The following KCNJ15 variants were observed in gnomAD, a reference collection of about 807,000 sequenced individuals.
KCNJ15 encodes the protein potassium inwardly rectifying channel subfamily J member 15.
KCNJ15 carries 14 observed loss-of-function variants against 23.0 expected under a neutral mutation model. That is an observed-to-expected ratio of 0.61 (90% CI 0.40 to 0.95). KCNJ15 has a LOEUF of 0.95. Among genes scored for constraint, KCNJ15 ranks in the 40% least tolerant of loss-of-function variants. KCNJ15 has a pLI of 0.00. For missense variants in KCNJ15, 388 were observed against 461.8 expected (o/e 0.84, Z 1.46); for synonymous variants, 185 against 183.2 (o/e 1.01, Z -0.08).
chr21:38,236,764 C>T (rs992372725), intron 1 of KCNJ15, among the ~76,000 whole-genome samples: 7 of 152,286 alleles, frequency 4.6e-5, no homozygotes, highest in African/African-American at 1.7e-4. Flanking sequence ...TGGCTTACTC[C>T]TATGTGTGGT....
intron 1 of KCNJ15, among the ~76,000 whole-genome samples, chr21:38,232,387 C>T (rs1421962868): frequency 6.6e-6 from 1 of 151,580 alleles, no homozygotes; most frequent in Non-Finnish European, 1.5e-5. Context: ...TTGGTTTGAC[C>T]AAGGAATCAA....
At chr21:38,255,834 A>C (rs1262790296), upstream of KCNJ15, among the ~76,000 whole-genome samples, 1 of 152,172 alleles carries the variant, frequency 6.6e-6, no homozygotes, top group Admixed American at 6.5e-5. Flanking sequence ...CATTTCCAAC[A>C]GAAGCAAAGT....
Position 38,303,621 on chromosome 21 carries a change from G to A in KCNJ15, c.*3232G>A, listed in dbSNP as rs1165942893. On this transcript the variant is annotated 3_prime_UTR_variant, in exon 3 of 3. Coordinates refer to ENST00000398938, the MANE Select transcript of KCNJ15 (RefSeq NM_170736.3). Reference sequence around the variant, plus strand: ...AACGCAGAGTGTCCAGAAATCTAAAGAGCTGGTTTAAGGTGAAAAAAATGC... The same window carrying A: ...AACGCAGAGTGTCCAGAAATCTAAAAAGCTGGTTTAAGGTGAAAAAAATGC... 2.0e-5 allele frequency: 3 copies of A among 151,926 alleles called. No individual in the cohort carries two copies. The allele number at this position is 151,926 out of a possible 1,614,324, so 9.4% of individuals were successfully genotyped here. A position where few individuals can be genotyped will look rare whatever the true frequency, so the allele number is the denominator to read the frequency against.
chr21:38,267,078 G>A (rs1397176005), intron 1 of KCNJ15, among the ~76,000 whole-genome samples: 1 of 152,196 alleles, frequency 6.6e-6, no homozygotes, highest in African/African-American at 2.4e-5. Context: ...CATGGTGGCT[G>A]TGGGAAGGGG....
At chr21:38,270,512 C>T (rs1433529443) in intron 1 of KCNJ15, among the ~76,000 whole-genome samples, 1 of 152,218 alleles carries the variant, frequency 6.6e-6, no homozygotes, top group Non-Finnish European at 1.5e-5. Context: ...GCATCTCACT[C>T]CATCTTCAGG....
At chr21:38,284,772 G>C (rs115027603) in intron 1 of KCNJ15, among the ~76,000 whole-genome samples, 2,498 of 152,060 alleles carry the variant, frequency 0.016, 81 homozygotes, top group African/African-American at 0.058. Context: ...CTTCCCTCTC[G>C]CCTACTCAAT....
intron 2 of KCNJ15, among the ~76,000 whole-genome samples, chr21:38,298,598 A>G (rs1342250059): frequency 1.3e-5 from 2 of 152,196 alleles, no homozygotes; most frequent in African/African-American, 2.4e-5. Flanking sequence ...GATTAGGGGG[A>G]AAACGAATTG....
chr21:38,286,477 AATGTTC>A (rs1362305629), intron 1 of KCNJ15, among the ~76,000 whole-genome samples: 1 of 152,244 alleles, frequency 6.6e-6, no homozygotes, highest in African/African-American at 2.4e-5. Context: ...GCACCAATGT[AATGTTC>A]ATTACTAACA....
chr21:38,262,161 A>G (rs1980971962), intron 1 of KCNJ15, among the ~76,000 whole-genome samples: 1 of 152,194 alleles, frequency 6.6e-6, no homozygotes, highest in Admixed American at 6.5e-5. Context: ...CCAACCTTTA[A>G]AGGACAAATT....
At chr21:38,288,903 A>T (rs1984270570) in intron 1 of KCNJ15, among the ~76,000 whole-genome samples, 1 of 152,198 alleles carries the variant, frequency 6.6e-6, no homozygotes, top group Non-Finnish European at 1.5e-5. Flanking sequence ...AAGTTTCATT[A>T]AATAAAACAC....
intron 1 of KCNJ15, among the ~76,000 whole-genome samples, chr21:38,236,175 A>G (rs1189708252): frequency 6.6e-6 from 1 of 152,218 alleles, no homozygotes; most frequent in Admixed American, 6.5e-5. Flanking sequence ...GAGAAATGCC[A>G]TTGGGCTTAT....
chr21:38,300,586 T>C lies in KCNJ15; in HGVS notation c.*197T>C. ...GTTTGAGAGATTTCCTGTTAGGTGC[T>C]TCGTCTGAAAGTGAACTCTCATAAT... On this transcript the variant is annotated 3_prime_UTR_variant, in exon 3 of 3. Transcript: ENST00000398938. 1 of 557,140 alleles carries C rather than the reference T, an allele frequency of 1.8e-6. No homozygotes were observed. The highest frequency in any genetic ancestry group is 3.2e-6 in the Non-Finnish European group (1 of 310,238). 34.5% of individuals were successfully genotyped at this position (557,140 alleles called of 1,614,324 possible). A position where few individuals can be genotyped will look rare whatever the true frequency, so the allele number is the denominator to read the frequency against.
At chr21:38,275,770 T>C (rs1982624285) in intron 1 of KCNJ15, among the ~76,000 whole-genome samples, 1 of 152,176 alleles carries the variant, frequency 6.6e-6, no homozygotes, top group Non-Finnish European at 1.5e-5. Context: ...GCCCAATCAA[T>C]TGGGAGTACT....
intron 1 of KCNJ15, among the ~76,000 whole-genome samples, chr21:38,271,151 G>T (rs978799160): frequency 6.6e-5 from 10 of 152,236 alleles, no homozygotes; most frequent in Non-Finnish European, 1.5e-4. Flanking sequence ...TGGTGTAGCT[G>T]CTTAAATAAG....
chr21:38,272,613 G>A (rs1982224014), intron 1 of KCNJ15: 1 of 152,108 alleles, frequency 6.6e-6, no homozygotes, highest in Non-Finnish European at 1.5e-5. Flanking sequence ...AAAGGAAGAG[G>A]GGAAAAAGCC....
chr21:38,263,761 T>C (rs1416632808), intron 1 of KCNJ15, among the ~76,000 whole-genome samples: 1 of 152,220 alleles, frequency 6.6e-6, no homozygotes, highest in African/African-American at 2.4e-5. Flanking sequence ...GGGGCCTGAC[T>C]ACCTCTGCAT....
chr21:38,256,360 T>TTATGTATATATA (rs1555882104), upstream of KCNJ15, among the ~76,000 whole-genome samples: 1 of 106,236 alleles, frequency 9.4e-6, no homozygotes, highest in Non-Finnish European at 1.8e-5. Context: ...TCTATTCAGC[T>TTATGTATATATA]TATATATATA....
Position 38,307,091 on chromosome 21 carries a change from T to G in KCNJ15, c.*6702T>G, listed in dbSNP as rs1668141336. The G allele has an allele frequency of 6.6e-6, 1 of 152,198 alleles. No homozygotes were observed. The allele number at this position is 152,198 out of a possible 1,614,324, so 9.4% of individuals were successfully genotyped here. A position where few individuals can be genotyped will look rare whatever the true frequency, so the allele number is the denominator to read the frequency against. ...GGATTTGCTCCAGCAGAATGGTGGT[T>G]TGTGTTTCTCAAGGCTGAGCTACTA... is the stretch of plus-strand genomic sequence containing the variant. On this transcript the variant is annotated 3_prime_UTR_variant, in exon 3 of 3. Transcript: ENST00000398938.
chr21:38,275,740 G>A (rs746161439), intron 1 of KCNJ15, among the ~76,000 whole-genome samples: 19 of 152,094 alleles, frequency 1.2e-4, no homozygotes, highest in Non-Finnish European at 2.2e-4. Flanking sequence ...GAAAGTCGCT[G>A]ATAATTGATA....
Sources: gnomAD v4.1 joint callset for allele counts (sites outside exome capture counted in the v4.1 genomes callset) on GRCh38, gnomAD v4.1.1 for gene constraint, MANE v1.5 for transcripts, NCBI Gene and HGNC (gene_info 2026-07-23, HGNC 2026-07-21) for gene names.